The following FHIT variants were observed in gnomAD, a reference collection of about 807,000 sequenced individuals.
FHIT encodes the protein bis(5'-adenosyl)-triphosphatase.
FHIT carries 19 observed loss-of-function variants against 17.9 expected under a neutral mutation model. The ratio of observed to expected loss-of-function variants is 1.06; its 90% CI spans 0.74 to 1.56. FHIT has a LOEUF of 1.56. Among genes scored for constraint, FHIT ranks in the 40% most tolerant of loss-of-function variants. The pLI is 0.00. For missense variants in FHIT, 248 were observed against 189.2 expected (o/e 1.31, Z -1.82); for synonymous variants, 81 against 69.7 (o/e 1.16, Z -0.81).
At chr3:60,515,514 A>G (rs991323761) in intron 5 of FHIT, among the ~76,000 whole-genome samples, 9 of 152,024 alleles carry the variant, frequency 5.9e-5, no homozygotes, top group African/African-American at 2.2e-4. Context: ...GATCAAGGCT[A>G]CTGTCATAGA....
At chr3:59,924,257 TTTC>T (rs1353127286) in intron 7 of FHIT, among the ~76,000 whole-genome samples, 2 of 152,278 alleles carry the variant, frequency 1.3e-5, no homozygotes, top group East Asian at 1.9e-4. Flanking sequence ...CCTGCCATCC[TTTC>T]TTCTTCTCCT....
intron 4 of FHIT, among the ~76,000 whole-genome samples, chr3:60,653,835 G>C (rs572772334): frequency 1.3e-5 from 2 of 152,286 alleles, no homozygotes; most frequent in African/African-American, 2.4e-5. Flanking sequence ...AAACCTGCAA[G>C]CATGCAGAAA....
intron 4 of FHIT, among the ~76,000 whole-genome samples, chr3:60,585,579 T>G (rs953553167): frequency 1.3e-5 from 2 of 152,032 alleles, no homozygotes; most frequent in Admixed American, 1.3e-4. Flanking sequence ...CTATCAATAC[T>G]GAGTCAACAG....
At chr3:60,005,882 A>C (rs809710) in intron 7 of FHIT, among the ~76,000 whole-genome samples, 2 of 152,068 alleles carry the variant, frequency 1.3e-5, no homozygotes, top group East Asian at 3.9e-4. Flanking sequence ...GTACACATCA[A>C]ATCTTTCCTA....
intron 1 of FHIT, among the ~76,000 whole-genome samples, chr3:61,207,296 T>C (rs2039274876): frequency 6.6e-6 from 1 of 152,166 alleles, no homozygotes; most frequent in Non-Finnish European, 1.5e-5. Context: ...TTGTTGTGTC[T>C]CTGCCCAGCT....
intron 8 of FHIT, among the ~76,000 whole-genome samples, chr3:59,812,909 A>C (rs1239722634): frequency 6.6e-6 from 1 of 152,166 alleles, no homozygotes; most frequent in Non-Finnish European, 1.5e-5. Flanking sequence ...TGAGAAGAAA[A>C]CTACGCTCAG....
In FHIT at chr3:60,569,186, A is replaced by G. The variant is rs150313087; in HGVS notation, c.-17-32207T>C. Among the ~76,000 whole-genome samples, 364 of 152,234 alleles carry G rather than the reference A, an allele frequency of 2.4e-3. 1 individual carries two copies. The highest frequency in any genetic ancestry group is 8.4e-3 in the African/African-American group (351 of 41,556). On this transcript the variant is annotated intron_variant, in intron 4 of 9. Transcript: ENST00000492590. ...AGACCAAGGTAACATTTCAGGCAGT[A>G]TCTTTAAAATAGAAATCTATTTTCA...
At chr3:59,978,735 C>T (rs1283269195) in intron 7 of FHIT, among the ~76,000 whole-genome samples, 1 of 150,492 alleles carries the variant, frequency 6.6e-6, no homozygotes, top group Non-Finnish European at 1.5e-5. Flanking sequence ...TTCAAAGTGT[C>T]CCTCCTGCCC....
At chr3:60,259,356 GA>G (rs1706180812) in intron 5 of FHIT, among the ~76,000 whole-genome samples, 1 of 152,130 alleles carries the variant, frequency 6.6e-6, no homozygotes, top group Non-Finnish European at 1.5e-5. Context: ...CTGTTCAGGG[GA>G]AAGCTATGGA....
At chr3:61,213,361 C>A (rs2039554412) in intron 1 of FHIT, among the ~76,000 whole-genome samples, 1 of 152,162 alleles carries the variant, frequency 6.6e-6, no homozygotes, top group Non-Finnish European at 1.5e-5. Context: ...CAGTCCTACT[C>A]TCTGATAAAA....
At chr3:59,818,412 A>C (rs927315999) in intron 8 of FHIT, among the ~76,000 whole-genome samples, 1 of 152,048 alleles carries the variant, frequency 6.6e-6, no homozygotes, top group Non-Finnish European at 1.5e-5. Context: ...TTTCGCAGAG[A>C]CTGCTAGAAA....
intron 5 of FHIT, among the ~76,000 whole-genome samples, chr3:60,482,688 G>T (rs1176102860): frequency 6.6e-6 from 1 of 151,998 alleles, no homozygotes; most frequent in Non-Finnish European, 1.5e-5. Flanking sequence ...AGTGTTAAGA[G>T]GAAAATTTGT....
At chr3:60,224,921 A>G (rs1266001885) in intron 5 of FHIT, among the ~76,000 whole-genome samples, 1 of 151,798 alleles carries the variant, frequency 6.6e-6, no homozygotes, top group Non-Finnish European at 1.5e-5. Flanking sequence ...GGGTTTCACC[A>G]TTTTGGCCAG....
intron 5 of FHIT, among the ~76,000 whole-genome samples, chr3:60,086,912 T>C (rs1401458003): frequency 6.6e-6 from 1 of 152,286 alleles, no homozygotes; most frequent in Non-Finnish European, 1.5e-5. Flanking sequence ...TCCACTTCCA[T>C]AGCTCCACTA....
At chr3:60,761,077 G>C (rs1160207770) in intron 4 of FHIT, among the ~76,000 whole-genome samples, 3 of 152,034 alleles carry the variant, frequency 2.0e-5, no homozygotes, top group African/African-American at 7.2e-5. Flanking sequence ...ATAACCAGAA[G>C]AAGGGGGAGG....
chr3:60,530,761 G>T (rs940814343), intron 5 of FHIT, among the ~76,000 whole-genome samples: 1 of 152,138 alleles, frequency 6.6e-6, no homozygotes, highest in African/African-American at 2.4e-5. Context: ...TCTTACAATG[G>T]GAGTTGGCAG....
At chr3:60,444,575 C>T (rs2031179868) in intron 5 of FHIT, among the ~76,000 whole-genome samples, 2 of 152,054 alleles carry the variant, frequency 1.3e-5, no homozygotes, top group Non-Finnish European at 2.9e-5. Flanking sequence ...AACCATCATT[C>T]TCAGCAAACT....
intron 4 of FHIT, among the ~76,000 whole-genome samples, chr3:60,627,121 A>G (rs1243141157): frequency 2.6e-5 from 4 of 152,196 alleles, no homozygotes; most frequent in African/African-American, 7.2e-5. Flanking sequence ...ATCTGTATTG[A>G]TAAGATATTG....
intron 5 of FHIT, among the ~76,000 whole-genome samples, chr3:60,345,693 A>G (rs1710741545): frequency 6.6e-6 from 1 of 152,226 alleles, no homozygotes; most frequent in African/African-American, 2.4e-5. Context: ...ACCTTTTAAT[A>G]GGAACACAGT....
Sources: allele counts gnomAD v4.1 joint callset (sites outside exome capture counted in the v4.1 genomes callset), GRCh38; gene constraint gnomAD v4.1.1; transcripts MANE v1.5; gene names NCBI Gene and HGNC (gene_info 2026-07-23, HGNC 2026-07-21).